The following SPATA17 variants were observed in gnomAD, a reference collection of about 807,000 sequenced individuals.
SPATA17 encodes the protein spermatogenesis associated 17.
A neutral mutation model predicts 62.2 loss-of-function variants in SPATA17; 53 were observed. That is an observed-to-expected ratio of 0.85 (90% CI 0.68 to 1.07). SPATA17 has a LOEUF of 1.07. Among genes scored for constraint, SPATA17 ranks in the 50% least tolerant of loss-of-function variants. SPATA17 has a pLI of 0.00. For synonymous variants in SPATA17, 146 were observed against 146.8 expected (o/e 0.99, Z 0.04); for missense variants, 466 against 425.5 (o/e 1.10, Z -0.84).
intron 1 of SPATA17, among the ~76,000 whole-genome samples, chr1:217,641,064 G>C (rs1018504560): frequency 6.6e-6 from 1 of 151,940 alleles, no homozygotes; most frequent in Non-Finnish European, 1.5e-5. Context: ...GTTTGTCCTA[G>C]GGCAAAAATT....
intron 10 of SPATA17, among the ~76,000 whole-genome samples, chr1:217,864,908 T>G (rs534578836): frequency 3.6e-4 from 55 of 151,766 alleles, no homozygotes; most frequent in African/African-American, 1.3e-3. Context: ...AGATTATTTT[T>G]AATTAAAAAG....
intron 5 of SPATA17, among the ~76,000 whole-genome samples, chr1:217,703,478 A>G (rs1484104724): frequency 6.6e-6 from 1 of 152,050 alleles, no homozygotes; most frequent in African/African-American, 2.4e-5. Context: ...GGCATATTTC[A>G]TTACTTTTTA....
chr1:217,846,989 T>C (rs1381493984), intron 9 of SPATA17, among the ~76,000 whole-genome samples: 12 of 152,020 alleles, frequency 7.9e-5, no homozygotes, highest in Non-Finnish European at 1.5e-5. Context: ...GATAAATTCT[T>C]ATTTGCAGAA....
intron 7 of SPATA17, among the ~76,000 whole-genome samples, chr1:217,777,846 A>T (rs1235127549): frequency 6.6e-6 from 1 of 152,158 alleles, no homozygotes. Flanking sequence ...TCAGTTTTTT[A>T]GGGGGATATG....
At chr1:217,656,131 G>A (rs537857161) in intron 3 of SPATA17, among the ~76,000 whole-genome samples, 53 of 151,726 alleles carry the variant, frequency 3.5e-4, no homozygotes, top group Non-Finnish European at 4.4e-4. Context: ...TGATCCACCC[G>A]CCTTGGCCTC....
intron 5 of SPATA17, among the ~76,000 whole-genome samples, chr1:217,703,173 C>CATTTTTTTTTT (rs1558572175): frequency 2.0e-5 from 2 of 101,246 alleles, no homozygotes; most frequent in African/African-American, 8.7e-5. Context: ...TTGCGCTCGG[C>CATTTTTTTTTT]CTTTTTTTTT....
intron 5 of SPATA17, among the ~76,000 whole-genome samples, chr1:217,686,398 A>C (rs1396075724): frequency 2.0e-5 from 3 of 152,264 alleles, no homozygotes; most frequent in East Asian, 3.9e-4. Context: ...TATTTATGAT[A>C]TTTTAATTAC....
intron 5 of SPATA17, among the ~76,000 whole-genome samples, chr1:217,694,856 A>G (rs1210402166): frequency 1.4e-5 from 2 of 140,220 alleles, no homozygotes; most frequent in Non-Finnish European, 3.1e-5. Flanking sequence ...TTCTGCCGAG[A>G]GATCCGCTGT....
intron 3 of SPATA17, among the ~76,000 whole-genome samples, chr1:217,660,550 TA>T (rs773157969): frequency 6.6e-6 from 1 of 152,236 alleles, no homozygotes; most frequent in Non-Finnish European, 1.5e-5. Flanking sequence ...CCCTTCTTCA[TA>T]AAAAGGATGA....
At chr1:217,765,749 G>T (rs1197645960) in intron 6 of SPATA17, among the ~76,000 whole-genome samples, 1 of 152,012 alleles carries the variant, frequency 6.6e-6, no homozygotes, top group Non-Finnish European at 1.5e-5. Flanking sequence ...ATTTCTGATA[G>T]AGAGGTGTTG....
At chr1:217,785,132 CG>C (rs1558050100) in intron 8 of SPATA17, 1 of 152,168 alleles carries the variant, frequency 6.6e-6, no homozygotes, top group African/African-American at 2.4e-5. Context: ...GCCTTCCTCA[CG>C]TGGTGTTCTC....
intron 5 of SPATA17, among the ~76,000 whole-genome samples, chr1:217,720,271 A>G (rs902154174): frequency 1.3e-5 from 2 of 152,226 alleles, no homozygotes; most frequent in African/African-American, 4.8e-5. Flanking sequence ...TGACTGACAC[A>G]AATGTTGATT....
intron 5 of SPATA17, among the ~76,000 whole-genome samples, chr1:217,700,591 T>C (rs912588990): frequency 1.5e-4 from 23 of 151,938 alleles, no homozygotes; most frequent in Admixed American, 6.6e-5. Context: ...TTTTTTTTCT[T>C]TTTTCTTTTT....
rs1676058850 is a variant in SPATA17 at position 217,868,312 on chromosome 1, G to T, written c.*1293G>T. 1 of 152,164 alleles carries T rather than the reference G, an allele frequency of 6.6e-6. No homozygotes were observed. The highest frequency in any genetic ancestry group is 2.4e-5 in the African/African-American group (1 of 41,450). 9.4% of individuals were successfully genotyped at this position (152,164 alleles called of 1,614,324 possible). On this transcript the variant is annotated 3_prime_UTR_variant, in exon 11 of 11. Transcript: ENST00000366933. Reference sequence around the variant, plus strand: ...GCTGGGATTTAATTTGAAAGTCAAAGAAGTGAGTTAAAATACATATACTCC... The same window carrying T: ...GCTGGGATTTAATTTGAAAGTCAAATAAGTGAGTTAAAATACATATACTCC...
At chr1:217,794,486 T>C (rs983897917) in intron 8 of SPATA17, among the ~76,000 whole-genome samples, 9 of 152,194 alleles carry the variant, frequency 5.9e-5, no homozygotes, top group African/African-American at 2.2e-4. Flanking sequence ...AAACCAGAGA[T>C]TGCAAACTAG....
At chr1:217,683,123 T>G (rs1204417132) in intron 4 of SPATA17, 135 bp from the exon 5 acceptor site, 1 of 466,596 alleles carries the variant, frequency 2.1e-6, no homozygotes, top group East Asian at 3.6e-5. Flanking sequence ...ACTAATATGC[T>G]ACAATATTAG....
At chr1:217,796,072 A>G (rs1357489393) in intron 8 of SPATA17, among the ~76,000 whole-genome samples, 1 of 152,184 alleles carries the variant, frequency 6.6e-6, no homozygotes, top group East Asian at 1.9e-4. Context: ...TGCTAAGACT[A>G]CAGGCGTGAG....
intron 7 of SPATA17, among the ~76,000 whole-genome samples, chr1:217,774,867 G>A (rs1466971232): frequency 1.3e-5 from 2 of 152,062 alleles, no homozygotes; most frequent in Non-Finnish European, 2.9e-5. Flanking sequence ...TCTATTTTAT[G>A]TACATACCAC....
chr1:217,635,423 G>T (rs2102873327), intron 1 of SPATA17, among the ~76,000 whole-genome samples: 1 of 152,276 alleles, frequency 6.6e-6, no homozygotes, highest in African/African-American at 2.4e-5. Context: ...AAATTTTCTG[G>T]CCAGGCATGG....
Sources: gnomAD v4.1 joint callset for allele counts (sites outside exome capture counted in the v4.1 genomes callset) on GRCh38, gnomAD v4.1.1 for gene constraint, MANE v1.5 for transcripts, NCBI Gene and HGNC (gene_info 2026-07-23, HGNC 2026-07-21) for gene names.